Variants in PCDHA5 observed in about 807,000 individuals in gnomAD.
The protein encoded by PCDHA5 is protocadherin alpha-5.
Under a neutral mutation model 61.6 loss-of-function variants are expected in PCDHA5, and 43 were observed. That is an observed-to-expected ratio of 0.70 (90% CI 0.55 to 0.90). PCDHA5 has a LOEUF of 0.90. Among genes scored for constraint, PCDHA5 ranks in the 40% least tolerant of loss-of-function variants. The probability of loss-of-function intolerance (pLI) is 0.00; values close to 1 mark genes in which losing one functional copy is unlikely to be tolerated. For missense variants in PCDHA5, 1,298 were observed against 1,222.7 expected (o/e 1.06, Z -0.92); for synonymous variants, 627 against 543.9 (o/e 1.15, Z -2.13).
chr5:140,967,786 G>A, intron 1 of PCDHA5: 1 of 1,614,216 alleles, frequency 6.2e-7, no homozygotes, highest in East Asian at 2.2e-5. Context: ...CGACTGACCG[G>A]GGTCCAGTGC....
At position 140,821,756 on chromosome 5, in the gene PCDHA5, A is replaced by T. The variant is rs2150110442; in HGVS notation, c.-20A>T. The T allele has an allele frequency of 8.2e-6, 13 of 1,584,204 alleles. No individual in the cohort carries two copies. The East Asian group carries it at 2.2e-4, about 27-fold the overall frequency. ...TGTGTGGTGATGCAATAGAAAGCTC[A>T]TAATTGGAACGAGATTGAGATGGTA... On this transcript the variant is annotated 5_prime_UTR_variant, in exon 1 of 4. Transcript: ENST00000529859.
At chr5:141,007,459 T>A (rs1323177537) in intron 3 of PCDHA5, among the ~76,000 whole-genome samples, 1 of 149,426 alleles carries the variant, frequency 6.7e-6, no homozygotes, top group Non-Finnish European at 1.5e-5. Context: ...TCCCAGCTAC[T>A]CAGGAGGCTG....
At position 140,961,643 on chromosome 5, in the gene PCDHA5, A is replaced by G. The variant is rs533824470; in HGVS notation, c.2353-17306A>G. Reference sequence around the variant, plus strand: ...CCATATGAAAAACAATCTTAAGTCTATGTGGTTAGTTTGAAGTTACCAGTT... The same window carrying G: ...CCATATGAAAAACAATCTTAAGTCTGTGTGGTTAGTTTGAAGTTACCAGTT... On this transcript the variant is annotated intron_variant, in intron 1 of 3. Coordinates refer to ENST00000529859, the MANE Select transcript of PCDHA5 (RefSeq NM_018908.3). Among the ~76,000 whole-genome samples the G allele has an allele frequency of 7.2e-5, 11 of 152,324 alleles. No homozygotes were observed. The East Asian group carries it at 1.9e-3, about 27-fold the overall frequency.
At chr5:140,830,114 G>A (rs2150181303) in intron 1 of PCDHA5, 1 of 1,613,542 alleles carries the variant, frequency 6.2e-7, no homozygotes, top group South Asian at 1.1e-5. Context: ...GAGTGGCCAG[G>A]CTCCAAAGGC....
intron 1 of PCDHA5, among the ~76,000 whole-genome samples, chr5:140,903,300 T>C (rs1368072567): frequency 6.6e-6 from 1 of 152,184 alleles, no homozygotes; most frequent in Non-Finnish European, 1.5e-5. Context: ...GGAAATTTAG[T>C]ATACAATAAA....
Position 140,822,593 on chromosome 5 carries a change from A to G in PCDHA5, c.818A>G (p.Asn273Ser), listed in dbSNP as rs2150117634. The G allele has an allele frequency of 6.2e-7, 1 of 1,611,374 alleles. No homozygotes were observed. The highest frequency in any genetic ancestry group is 2.2e-5 in the East Asian group (1 of 44,878). The change falls in exon 1 of 4, where the codon AAT (asparagine) becomes AGT (serine). Residue 273 changes from asparagine to serine, a missense_variant. Transcript: ENST00000529859. ...GCCTCAGATGCAGATGAGGGCATCA[A>G]TAAGGAAATAGTGTATTTCTTTAGT... ...LNASDADEGI[N>S]KEIVYFFSNL...
At chr5:140,952,654 G>T (rs541888180) in intron 1 of PCDHA5, among the ~76,000 whole-genome samples, 4 of 152,270 alleles carry the variant, frequency 2.6e-5, no homozygotes, top group African/African-American at 9.6e-5. Context: ...TGGTTACCCA[G>T]TTCCAAAGTC....
intron 1 of PCDHA5, among the ~76,000 whole-genome samples, chr5:140,940,877 T>G (rs2092697297): frequency 2.0e-5 from 3 of 152,378 alleles, no homozygotes; most frequent in East Asian, 3.9e-4. Flanking sequence ...GAGTGAATAC[T>G]ACTGCTAGTA....
rs2150121625 is a variant in PCDHA5 at position 140,823,040 on chromosome 5, T to G, written c.1265T>G (p.Leu422Arg). The change falls in exon 1 of 4, where the codon CTG becomes CGG. Residue 422 changes from leucine (L) to arginine (R), a missense_variant. Leu to Arg is a moderately radical substitution (Grantham distance 102). Coordinates refer to ENST00000529859, the MANE Select transcript of PCDHA5 (RefSeq NM_018908.3). ...LDRESVSVYELVVTARDGGSP... is the reference protein window; with the variant it reads ...LDRESVSVYERVVTARDGGSP... ...CGCGAGAGCGTGTCGGTCTATGAGC[T>G]GGTGGTGACCGCGCGGGACGGGGGC... The G allele has an allele frequency of 6.2e-7, 1 of 1,614,210 alleles. No homozygotes were observed. Among genetic ancestry groups the G allele is most frequent in the Middle Eastern group, 1.7e-4 (1 of 6,052 alleles).
At chr5:140,991,167 G>T (rs186627829) in intron 3 of PCDHA5, among the ~76,000 whole-genome samples, 2 of 152,270 alleles carry the variant, frequency 1.3e-5, no homozygotes, top group Non-Finnish European at 2.9e-5. Flanking sequence ...TATTCCCATT[G>T]TCAAGCAGGA....
intron 1 of PCDHA5, among the ~76,000 whole-genome samples, chr5:140,912,160 C>T (rs1208125180): frequency 6.6e-6 from 1 of 152,134 alleles, no homozygotes. Context: ...TGTTTTTATT[C>T]TGGCTGTGCT....
chr5:140,849,758 C>A (rs2150448460), intron 1 of PCDHA5: 1 of 1,598,492 alleles, frequency 6.3e-7, no homozygotes, highest in Non-Finnish European at 8.6e-7. Context: ...TGTCCGCCTA[C>A]GAGCTGGTGG....
Position 140,829,404 on chromosome 5 carries a change from C to T in PCDHA5, c.2352+5277C>T, listed in dbSNP as rs2150167278. On this transcript the variant is annotated intron_variant, in intron 1 of 3. Transcript: ENST00000529859. The stretch of plus-strand genomic sequence containing the variant: ...GGGGGCTCGCCTTCGCTGTGGGCCA[C>T]CGCCAGCTTGTCTGTGGAGGTGGCC... 9.9e-6 allele frequency: 16 copies of T among 1,613,990 alleles called. No homozygotes were observed. In the Admixed American group the frequency reaches 1.8e-4, roughly 18 times the overall value.
At chr5:140,977,925 A>G (rs782072280) in intron 1 of PCDHA5, among the ~76,000 whole-genome samples, 8 of 152,152 alleles carry the variant, frequency 5.3e-5, no homozygotes, top group Non-Finnish European at 1.0e-4. Flanking sequence ...TTTTCATTCA[A>G]CTATACCTCA....
intron 1 of PCDHA5, chr5:140,884,140 G>C: frequency 6.2e-7 from 1 of 1,613,412 alleles, no homozygotes; most frequent in Non-Finnish European, 8.5e-7. Context: ...CGTTCCGCGT[G>C]GGGCTGTACA....
intron 1 of PCDHA5, among the ~76,000 whole-genome samples, chr5:140,913,340 C>G (rs1276320319): frequency 6.6e-6 from 1 of 152,024 alleles, no homozygotes; most frequent in African/African-American, 2.4e-5. Context: ...GGAATTTATC[C>G]ATTTCCTCTA....
Position 141,010,780 on chromosome 5 carries a change from TGCAAAA to T in PCDHA5, c.*851_*856del, listed in dbSNP as rs1309288663. 1 of 153,816 alleles carries T rather than the reference TGCAAAA, an allele frequency of 6.5e-6. No homozygotes were observed. The highest frequency in any genetic ancestry group is 1.9e-4 in the East Asian group (1 of 5,188). The allele number at this position is 153,816 out of a possible 1,614,324, so 9.5% of individuals were successfully genotyped here. On this transcript the variant is annotated 3_prime_UTR_variant, in exon 4 of 4. Transcript: ENST00000529859. ...AGGCCAGATCCTTTTCCAATACTTATGCAAAAGCAAAAGAAAACCCCGACACCTCAC... is the reference window on the plus strand; with the variant it reads ...AGGCCAGATCCTTTTCCAATACTTATGCAAAAGAAAACCCCGACACCTCAC...
intron 1 of PCDHA5, among the ~76,000 whole-genome samples, chr5:140,878,324 A>C (rs1298317950): frequency 4.6e-5 from 7 of 152,210 alleles, no homozygotes; most frequent in Admixed American, 1.3e-4. Context: ...TTTTCACATT[A>C]TATTCCAGGT....
At chr5:141,000,395 CTATATATA>C (rs1190667031) in intron 3 of PCDHA5, among the ~76,000 whole-genome samples, 7 of 53,980 alleles carry the variant, frequency 1.3e-4, no homozygotes, top group South Asian at 8.9e-4. Flanking sequence ...CTCTCTCTCT[CTATATATA>C]TATATATATA....
Sources: gnomAD v4.1 joint callset for allele counts (sites outside exome capture counted in the v4.1 genomes callset) on GRCh38, gnomAD v4.1.1 for gene constraint, MANE v1.5 for transcripts, NCBI Gene and HGNC (gene_info 2026-07-23, HGNC 2026-07-21) for gene names.